Variants in GABRB1 observed in about 807,000 individuals in gnomAD.
GABRB1 encodes gamma-aminobutyric acid type A receptor subunit beta1.
GABRB1 carries 17 observed loss-of-function variants against 51.6 expected under a neutral mutation model. That is an observed-to-expected ratio of 0.33 (90% confidence interval 0.23 to 0.49). GABRB1 has a LOEUF of 0.49. GABRB1 is among the 20% of genes least tolerant of loss of function. The pLI, the probability that GABRB1 is intolerant of heterozygous loss-of-function variation, is 0.99. For synonymous variants in GABRB1, 247 were observed against 218.9 expected, an observed-to-expected ratio of 1.13 and a Z score of -1.14; for missense variants, 410 against 600.6, an observed-to-expected ratio of 0.68 and a Z score of 3.32.
At chr4:47,159,269 G>T (rs192476467) in intron 3 of GABRB1, among the ~76,000 whole-genome samples, 3 of 151,902 alleles carry the variant, frequency 2.0e-5, no homozygotes, top group African/African-American at 7.3e-5. Flanking sequence ...ATGGCCAAGT[G>T]AGACTGTCTC....
chr4:47,164,803 C>T (rs1470607647), intron 4 of GABRB1, among the ~76,000 whole-genome samples: 3 of 152,082 alleles, frequency 2.0e-5, no homozygotes, highest in Admixed American at 6.6e-5. Context: ...CCTGTAAACA[C>T]TCTGACATAA....
intron 1 of GABRB1, among the ~76,000 whole-genome samples, chr4:47,005,290 C>T (rs1393203377): frequency 6.6e-6 from 1 of 152,054 alleles, no homozygotes; most frequent in African/African-American, 2.4e-5. Flanking sequence ...TGGTGGCGGG[C>T]GCCTGTAGTC....
At chr4:47,410,624 C>T in intron 8 of GABRB1, among the ~76,000 whole-genome samples, 1 of 152,118 alleles carries the variant, frequency 6.6e-6, no homozygotes, top group Non-Finnish European at 1.5e-5. Flanking sequence ...GTGTAAACTT[C>T]CCCAGCTTGA....
intron 3 of GABRB1, among the ~76,000 whole-genome samples, chr4:47,135,574 C>T (rs528539115): frequency 4.5e-4 from 69 of 152,184 alleles, no homozygotes; most frequent in African/African-American, 1.6e-3. Flanking sequence ...ACTCTCCCTT[C>T]TTATTTTCTC....
chr4:47,265,975 G>C (rs1722627327), intron 4 of GABRB1, among the ~76,000 whole-genome samples: 1 of 152,016 alleles, frequency 6.6e-6, no homozygotes, highest in Admixed American at 6.6e-5. Flanking sequence ...CTTTGTTTTT[G>C]TTGCATTTGC....
chr4:47,221,925 A>G (rs1720782538), intron 4 of GABRB1, among the ~76,000 whole-genome samples: 2 of 152,130 alleles, frequency 1.3e-5, no homozygotes, highest in South Asian at 4.1e-4. Context: ...AAGCTTATCT[A>G]GAACACATAT....
intron 4 of GABRB1, among the ~76,000 whole-genome samples, chr4:47,265,542 A>G (rs1389266095): frequency 1.3e-5 from 2 of 152,148 alleles, no homozygotes; most frequent in African/African-American, 2.4e-5. Flanking sequence ...AGGTTGTACT[A>G]GTTTATATGC....
chr4:47,021,142 T>C (rs1724918803), intron 1 of GABRB1, among the ~76,000 whole-genome samples: 1 of 152,160 alleles, frequency 6.6e-6, no homozygotes. Context: ...ATGACCTGAT[T>C]TAATTTTTCT....
intron 3 of GABRB1, among the ~76,000 whole-genome samples, chr4:47,133,073 A>C (rs1388508596): frequency 1.3e-5 from 2 of 152,184 alleles, no homozygotes; most frequent in Non-Finnish European, 2.9e-5. Context: ...GATATACAGC[A>C]TATTATGTTT....
At chr4:47,203,004 G>C (rs1321921637) in intron 4 of GABRB1, among the ~76,000 whole-genome samples, 1 of 152,144 alleles carries the variant, frequency 6.6e-6, no homozygotes, top group African/African-American at 2.4e-5. Flanking sequence ...GAACGGAAAA[G>C]AAATGAAGAC....
chr4:47,246,872 AT>A (rs907417280), intron 4 of GABRB1, among the ~76,000 whole-genome samples: 6 of 149,706 alleles, frequency 4.0e-5, no homozygotes, highest in East Asian at 3.9e-4. Flanking sequence ...TTTTGATGGG[AT>A]TTTTTTTTCT....
intron 3 of GABRB1, among the ~76,000 whole-genome samples, chr4:47,097,102 G>A (rs191595788): frequency 1.8e-4 from 28 of 152,244 alleles, no homozygotes; most frequent in African/African-American, 6.5e-4. Context: ...AAAATCAGAT[G>A]CTGTCTCTCT....
intron 4 of GABRB1, among the ~76,000 whole-genome samples, chr4:47,175,278 A>C (rs1353554798): frequency 6.7e-6 from 1 of 149,176 alleles, no homozygotes; most frequent in African/African-American, 2.5e-5. Context: ...GGCTTGTCTC[A>C]AACTCCTGGC....
intron 4 of GABRB1, among the ~76,000 whole-genome samples, chr4:47,253,470 T>C (rs1282330522): frequency 6.6e-6 from 1 of 152,214 alleles, no homozygotes; most frequent in Non-Finnish European, 1.5e-5. Flanking sequence ...AATTAAACTT[T>C]CCATCTTTAT....
chr4:47,007,755 G>A (rs1202193279), intron 1 of GABRB1, among the ~76,000 whole-genome samples: 1 of 151,680 alleles, frequency 6.6e-6, no homozygotes, highest in African/African-American at 2.4e-5. Flanking sequence ...AGAAAAGCTG[G>A]GGCAAGAGGC....
At chr4:47,276,618 A>G (rs1723086991) in intron 4 of GABRB1, among the ~76,000 whole-genome samples, 1 of 152,164 alleles carries the variant, frequency 6.6e-6, no homozygotes, top group Admixed American at 6.6e-5. Flanking sequence ...TTTACAGATC[A>G]AAAAACCAAA....
intron 3 of GABRB1, among the ~76,000 whole-genome samples, chr4:47,055,506 T>C (rs1255470757): frequency 6.6e-6 from 1 of 152,194 alleles, no homozygotes; most frequent in East Asian, 1.9e-4. Flanking sequence ...GTCGAAATAT[T>C]GTTCAGAATG....
intron 5 of GABRB1, among the ~76,000 whole-genome samples, chr4:47,357,798 G>A (rs920065436): frequency 6.6e-6 from 1 of 152,154 alleles, no homozygotes; most frequent in Admixed American, 6.5e-5. Flanking sequence ...TCAGAGCCTG[G>A]TTCTCTGATG....
intron 4 of GABRB1, among the ~76,000 whole-genome samples, chr4:47,270,748 A>T (rs2109892690): frequency 8.9e-6 from 1 of 112,160 alleles, no homozygotes; most frequent in South Asian, 3.8e-4. Flanking sequence ...AGTATAGGCA[A>T]GAGATTGTCA....
Sources: gnomAD v4.1 joint callset for allele counts (sites outside exome capture counted in the v4.1 genomes callset) on GRCh38, gnomAD v4.1.1 for gene constraint, MANE v1.5 for transcripts, NCBI Gene and HGNC (gene_info 2026-07-23, HGNC 2026-07-21) for gene names.